The following L3MBTL4 variants were observed in gnomAD, a reference collection of about 807,000 sequenced individuals.
L3MBTL4 encodes L3MBTL histone methyl-lysine binding protein 4.
In L3MBTL4, 70 loss-of-function variants were observed where a neutral mutation model predicts 84.5. The ratio of observed to expected loss-of-function variants is 0.83; its 90% CI spans 0.68 to 1.01. L3MBTL4 has a LOEUF of 1.01. Ranked by LOEUF, L3MBTL4 falls within the 50% of genes least tolerant of loss-of-function variation. The pLI, the probability that L3MBTL4 is intolerant of heterozygous loss-of-function variation, is 0.00. For missense variants in L3MBTL4, 715 were observed against 754.8 expected, an observed-to-expected ratio of 0.95 and a Z score of 0.62; for synonymous variants, 274 against 259.8, an observed-to-expected ratio of 1.05 and a Z score of -0.52.
intron 4 of L3MBTL4, among the ~76,000 whole-genome samples, chr18:6,285,483 A>AGTGTGT (rs146666645): frequency 1.8e-3 from 272 of 151,124 alleles, no homozygotes; most frequent in African/African-American, 6.5e-3. Context: ...AGTGCTATAA[A>AGTGTGT]GTGTGTGTGT....
rs1340677323 is a variant in L3MBTL4, at chr18:6,264,089, A to G, written c.128-51T>C. The G allele has an allele frequency of 2.3e-6, 3 of 1,323,344 alleles. No individual in the cohort carries two copies. In the South Asian group the frequency reaches 3.6e-5, roughly 16 times the overall value. The allele number at this position is 1,323,344 out of a possible 1,614,324, so 82.0% of individuals were successfully genotyped here. On this transcript the variant is annotated intron_variant, in intron 4 of 18. Coordinates refer to ENST00000317931, the MANE Select transcript of L3MBTL4 (RefSeq NM_001330559.2). Reference sequence around the variant, plus strand: ...TCTCAAAATGATTAGTGACAGGAAAATAATAAAACTTACTTGACAATAAAC... The same window carrying G: ...TCTCAAAATGATTAGTGACAGGAAAGTAATAAAACTTACTTGACAATAAAC...
intron 10 of L3MBTL4, among the ~76,000 whole-genome samples, chr18:6,228,336 T>C (rs1057287318): frequency 6.6e-6 from 1 of 152,096 alleles, no homozygotes; most frequent in African/African-American, 2.4e-5. Flanking sequence ...GAACTTCTGA[T>C]AGGAAAAGAT....
At chr18:6,194,385 A>G (rs574289328) in intron 12 of L3MBTL4, among the ~76,000 whole-genome samples, 43 of 152,338 alleles carry the variant, frequency 2.8e-4, no homozygotes, top group African/African-American at 1.0e-3. Flanking sequence ...TTTGGAATGA[A>G]CACAACATGT....
At chr18:6,318,557 G>C (rs1468153637) in intron 1 of L3MBTL4, among the ~76,000 whole-genome samples, 1 of 95,452 alleles carries the variant, frequency 1.0e-5, no homozygotes. Flanking sequence ...ATAATAAAAG[G>C]ATCAATCCAA....
intron 16 of L3MBTL4, among the ~76,000 whole-genome samples, chr18:6,058,690 A>G (rs2057106092): frequency 6.6e-6 from 1 of 152,146 alleles, no homozygotes; most frequent in South Asian, 2.1e-4. Flanking sequence ...TGTGGGAGGA[A>G]TGATGAATAA....
chr18:6,066,915 A>G (rs1004460838), intron 16 of L3MBTL4, among the ~76,000 whole-genome samples: 1 of 144,486 alleles, frequency 6.9e-6, no homozygotes, highest in Non-Finnish European at 1.5e-5. Context: ...TTGCCTAGAT[A>G]CTTTGTTTTT....
intron 16 of L3MBTL4, among the ~76,000 whole-genome samples, chr18:6,040,586 G>A (rs1334982047): frequency 6.6e-6 from 1 of 152,188 alleles, no homozygotes; most frequent in Non-Finnish European, 1.5e-5. Flanking sequence ...CATCTCTGTT[G>A]AGTGTGGGTG....
In L3MBTL4 at chr18:6,360,116, T is replaced by A. The variant is rs148519466; in HGVS notation, c.-90-48060A>T. On this transcript the variant is annotated intron_variant, in intron 1 of 18. Coordinates refer to ENST00000317931, the MANE Select transcript of L3MBTL4 (RefSeq NM_001330559.2). ...TAGGAGCAGTGGCTCATGCCTATAA[T>A]CCCAACATTTTCAGAGGCCAAGGTG... Among the ~76,000 whole-genome samples, 517 of 152,274 alleles carry A rather than the reference T, an allele frequency of 3.4e-3. 2 individuals carry two copies. The highest frequency in any genetic ancestry group is 0.012 in the African/African-American group (493 of 41,546).
chr18:6,242,290 ACTGCTTC>A (rs2047483970), intron 7 of L3MBTL4, among the ~76,000 whole-genome samples: 1 of 151,984 alleles, frequency 6.6e-6, no homozygotes, highest in East Asian at 1.9e-4. Flanking sequence ...CAGACACCAC[ACTGCTTC>A]CTCTGTCATT....
chr18:6,366,884 A>G (rs906133100), intron 1 of L3MBTL4, among the ~76,000 whole-genome samples: 30 of 152,358 alleles, frequency 2.0e-4, no homozygotes, highest in African/African-American at 6.5e-4. Flanking sequence ...TTGTATACCT[A>G]CAGGAAGATC....
At chr18:6,261,750 C>T (rs1293760110) in intron 5 of L3MBTL4, among the ~76,000 whole-genome samples, 1 of 152,150 alleles carries the variant, frequency 6.6e-6, no homozygotes, top group Non-Finnish European at 1.5e-5. Context: ...ATTCTCAATC[C>T]TGCAGGTGTT....
At chr18:6,125,847 T>C (rs927532620) in intron 14 of L3MBTL4, among the ~76,000 whole-genome samples, 28 of 152,194 alleles carry the variant, frequency 1.8e-4, no homozygotes, top group African/African-American at 6.5e-4. Context: ...TGCACACACA[T>C]GAATTTTGTT....
Position 6,001,466 on chromosome 18 carries a change from C to A in L3MBTL4, c.1445-31904G>T, listed in dbSNP as rs564843570. Among the ~76,000 whole-genome samples the A allele has an allele frequency of 4.5e-4, 69 of 152,196 alleles. 1 individual carries two copies. Among genetic ancestry groups the A allele is most frequent in the Non-Finnish European group, 4.4e-4 (30 of 68,002 alleles). On this transcript the variant is annotated intron_variant, in intron 16 of 18. Transcript: ENST00000317931. The stretch of plus-strand genomic sequence containing the variant: ...GAGCTACCATAAAACAATTAAAAAA[C>A]CCCAAACAAACAAAAACCAAAATCA...
chr18:6,159,662 T>C (rs907863774), intron 13 of L3MBTL4, among the ~76,000 whole-genome samples: 12 of 152,190 alleles, frequency 7.9e-5, no homozygotes, highest in African/African-American at 2.7e-4. Context: ...GCATGCCACA[T>C]GGCTCTCCCT....
At chr18:6,296,275 T>G (rs1333515722) in intron 4 of L3MBTL4, among the ~76,000 whole-genome samples, 1 of 152,212 alleles carries the variant, frequency 6.6e-6, no homozygotes, top group Non-Finnish European at 1.5e-5. Flanking sequence ...ACTTTTAGAA[T>G]CTGTGCTTCT....
intron 16 of L3MBTL4, among the ~76,000 whole-genome samples, chr18:6,001,288 TG>T (rs1361435649): frequency 6.6e-6 from 1 of 152,234 alleles, no homozygotes; most frequent in Non-Finnish European, 1.5e-5. Context: ...TTTCCCCTTC[TG>T]GGGAGCCAAA....
chr18:6,318,781 G>A (rs2051255689), intron 1 of L3MBTL4, among the ~76,000 whole-genome samples: 1 of 151,836 alleles, frequency 6.6e-6, no homozygotes, highest in Non-Finnish European at 1.5e-5. Flanking sequence ...AACAAATGAA[G>A]CTAACATATA....
chr18:6,237,037 TAA>T lies in L3MBTL4; in HGVS notation c.784+925_784+926del, dbSNP rs571258486. ...GCTTGAACACTTGTGTTAAAAATAC[TAA>T]GATTATACAGCCTGTATTTCTAATT... is the stretch of plus-strand genomic sequence containing the variant. On this transcript the variant is annotated intron_variant, in intron 10 of 18. Coordinates refer to ENST00000317931, the MANE Select transcript of L3MBTL4 (RefSeq NM_001330559.2). Among the ~76,000 whole-genome samples the T allele has an allele frequency of 9.8e-4, 149 of 152,326 alleles. 1 individual carries two copies. The highest frequency in any genetic ancestry group is 3.4e-3 in the African/African-American group (140 of 41,584).
chr18:6,300,641 G>C (rs1204211622), intron 4 of L3MBTL4, among the ~76,000 whole-genome samples: 3 of 151,414 alleles, frequency 2.0e-5, no homozygotes, highest in Admixed American at 6.6e-5. Flanking sequence ...TTTTTACATT[G>C]TTGGCCTCAG....
Sources: allele counts gnomAD v4.1 joint callset (sites outside exome capture counted in the v4.1 genomes callset), GRCh38; gene constraint gnomAD v4.1.1; transcripts MANE v1.5; gene names NCBI Gene and HGNC (gene_info 2026-07-23, HGNC 2026-07-21).